The following STK4 variants were observed in gnomAD, a reference collection of about 807,000 sequenced individuals.
STK4 encodes the protein serine/threonine-protein kinase 4.
A neutral mutation model predicts 64.9 loss-of-function variants in STK4; 30 were observed. The ratio of observed to expected loss-of-function variants is 0.46; its 90% CI spans 0.35 to 0.63. The LOEUF is 0.63. Ranked by LOEUF, STK4 falls within the 20% of genes least tolerant of loss-of-function variation. STK4 has a pLI of 0.01. For synonymous variants in STK4, 177 were observed against 199.0 expected, an observed-to-expected ratio of 0.89 and a Z score of 0.93; for missense variants, 466 against 598.5, an observed-to-expected ratio of 0.78 and a Z score of 2.31.
chr20:44,987,117 T>G lies in STK4; in HGVS notation c.361-15T>G, dbSNP rs2067542640. 2 of 1,574,204 alleles carry G rather than the reference T, an allele frequency of 1.3e-6. No homozygotes were observed. Among genetic ancestry groups the G allele is most frequent in the African/African-American group, 1.4e-5 (1 of 72,778 alleles). On this transcript the variant is annotated splice_polypyrimidine_tract_variant and intron_variant, in intron 4 of 10. Coordinates refer to ENST00000372806, the MANE Select transcript of STK4 (RefSeq NM_006282.5). ...TGTAAACTGATAGAATTTGAACTTCTTATTCTTTTTTCAGTTAACAGAAGA... is the reference window on the plus strand; with the variant it reads ...TGTAAACTGATAGAATTTGAACTTCGTATTCTTTTTTCAGTTAACAGAAGA...
chr20:44,970,088 A>G (rs889764111), intron 1 of STK4, among the ~76,000 whole-genome samples: 8 of 152,156 alleles, frequency 5.3e-5, no homozygotes, highest in Non-Finnish European at 1.2e-4. Context: ...ACAAAAAAGC[A>G]CTTAGATTGT....
At chr20:45,029,161 G>A (rs1012954405) in intron 10 of STK4, among the ~76,000 whole-genome samples, 2 of 152,182 alleles carry the variant, frequency 1.3e-5, no homozygotes, top group African/African-American at 4.8e-5. Context: ...TTGAAAATGT[G>A]AAAGATCTGG....
chr20:45,041,881 A>G (rs1376444061), intron 10 of STK4, among the ~76,000 whole-genome samples: 1 of 152,188 alleles, frequency 6.6e-6, no homozygotes, highest in East Asian at 1.9e-4. Flanking sequence ...CCAGGTGTTA[A>G]CAACCTGGAG....
At chr20:45,073,297 A>ACT (rs1456900619) in intron 10 of STK4, among the ~76,000 whole-genome samples, 1 of 151,670 alleles carries the variant, frequency 6.6e-6, no homozygotes, top group Non-Finnish European at 1.5e-5. Context: ...ATTTACCCAC[A>ACT]CTCTCAAGTC....
intron 9 of STK4, among the ~76,000 whole-genome samples, chr20:45,018,028 C>T (rs1472565261): frequency 6.6e-6 from 1 of 152,140 alleles, no homozygotes; most frequent in Non-Finnish European, 1.5e-5. Context: ...TGGATAGTAA[C>T]CAGTGTAATT....
intron 1 of STK4, 133 bp from the exon 2 acceptor site, chr20:44,971,945 C>G: frequency 1.2e-6 from 1 of 812,666 alleles, no homozygotes; most frequent in Non-Finnish European, 1.9e-6. Context: ...AACCTTGTTT[C>G]TTAAAACAGT....
intron 6 of STK4, among the ~76,000 whole-genome samples, chr20:44,996,271 C>T (rs577250541): frequency 6.0e-4 from 91 of 152,182 alleles, no homozygotes; most frequent in African/African-American, 2.1e-3. Context: ...GTGCTCACAC[C>T]CTAAGCAGTT....
chr20:44,988,158 C>G lies in STK4; in HGVS notation c.525+862C>G, dbSNP rs185939098. 5.1e-4 allele frequency among the ~76,000 whole-genome samples: 78 copies of G among 152,048 alleles called. 1 individual carries two copies. Among genetic ancestry groups the G allele is most frequent in the African/African-American group, 1.8e-3 (75 of 41,478 alleles). On this transcript the variant is annotated intron_variant, in intron 5 of 10. Transcript: ENST00000372806. ...AGTAAACAGTACCAGACAATATTAC[C>G]TAAACCACAGTCTTAGTCAGGAAAC...
chr20:45,075,007 T>G lies in STK4; in HGVS notation c.1306-11T>G. The G allele has an allele frequency of 6.2e-7, 1 of 1,614,094 alleles. No individual in the cohort carries two copies. The highest frequency in any genetic ancestry group is 8.5e-7 in the Non-Finnish European group (1 of 1,179,980). ...GCTTTGTCGTGACTATACCTTCCAC[T>G]TCTCTTCTAGCTTAAGAGTTGGACA... On this transcript the variant is annotated splice_polypyrimidine_tract_variant and intron_variant, in intron 10 of 10. Coordinates refer to ENST00000372806, the MANE Select transcript of STK4 (RefSeq NM_006282.5).
intron 4 of STK4, among the ~76,000 whole-genome samples, chr20:44,985,281 A>G (rs1206023046): frequency 2.0e-5 from 3 of 152,220 alleles, no homozygotes; most frequent in Non-Finnish European, 4.4e-5. Flanking sequence ...TAGTTGTTAT[A>G]AGGATGAAAT....
chr20:44,972,380 T>C, intron 2 of STK4: 1 of 421,024 alleles, frequency 2.4e-6, no homozygotes, highest in Non-Finnish European at 4.2e-6. Context: ...TTCTCTTTTG[T>C]AGGATCTGTA....
chr20:45,028,800 T>C (rs2068396744), intron 10 of STK4, among the ~76,000 whole-genome samples: 1 of 152,252 alleles, frequency 6.6e-6, no homozygotes, highest in Non-Finnish European at 1.5e-5. Flanking sequence ...TTTATTTCTC[T>C]TTGCCACAGT....
chr20:44,975,765 A>G lies in STK4; in HGVS notation c.117-2678A>G, dbSNP rs1015399188. On this transcript the variant is annotated intron_variant, in intron 2 of 10. Coordinates refer to ENST00000372806, the MANE Select transcript of STK4 (RefSeq NM_006282.5). ...AGGAACTGAGCTTGGATTGTATTTA[A>G]GTATGGTATCTTGAAGGGCAAAAAC... 12 of 152,214 alleles carry G rather than the reference A, an allele frequency of 7.9e-5. 1 individual carries two copies. Among genetic ancestry groups the G allele is most frequent in the Admixed American group, 6.5e-4 (10 of 15,282 alleles). The allele number at this position is 152,214 out of a possible 1,614,324, so 9.4% of individuals were successfully genotyped here. A position where few individuals can be genotyped will look rare whatever the true frequency, so the allele number is the denominator to read the frequency against.
intron 10 of STK4, among the ~76,000 whole-genome samples, chr20:45,052,164 A>G (rs1246047779): frequency 1.3e-5 from 2 of 152,202 alleles, no homozygotes; most frequent in African/African-American, 4.8e-5. Context: ...TTGCTCTTCT[A>G]TAATGTTACA....
At chr20:45,008,918 T>A (rs1266630692) in intron 9 of STK4, among the ~76,000 whole-genome samples, 1 of 152,184 alleles carries the variant, frequency 6.6e-6, no homozygotes. Flanking sequence ...ATTTTTTTTT[T>A]ATAGATTCTG....
intron 9 of STK4, among the ~76,000 whole-genome samples, chr20:45,016,146 TTGTGTCTGTG>T (rs565240380): frequency 6.6e-6 from 1 of 152,174 alleles, no homozygotes; most frequent in Non-Finnish European, 1.5e-5. Flanking sequence ...TCTGTGTGGT[TTGTGTCTGTG>T]TGTGTCTGTG....
chr20:45,057,474 G>A (rs182467594), intron 10 of STK4, among the ~76,000 whole-genome samples: 671 of 152,230 alleles, frequency 4.4e-3, no homozygotes, highest in Middle Eastern at 0.017. Flanking sequence ...TAGAACTTAC[G>A]TAGTTTTAAG....
chr20:45,041,711 A>T (rs1369260731), intron 10 of STK4, among the ~76,000 whole-genome samples: 1 of 149,968 alleles, frequency 6.7e-6, no homozygotes, highest in African/African-American at 2.5e-5. Flanking sequence ...AACAGCAAGG[A>T]GTGGATTTAT....
Position 44,986,482 on chromosome 20 carries a change from C to T in STK4, c.361-650C>T, listed in dbSNP as rs867318571. On this transcript the variant is annotated intron_variant, in intron 4 of 10. Coordinates refer to ENST00000372806, the MANE Select transcript of STK4 (RefSeq NM_006282.5). ...TGAAGTTAAAGAGGTAGCTGAGAGC[C>T]AGATCATGTAAAGCCTTGGTAAGGA... Among the ~76,000 whole-genome samples, 5 of 152,166 alleles carry T rather than the reference C, an allele frequency of 3.3e-5. No homozygotes were observed. The East Asian group carries it at 7.7e-4, about 23-fold the overall frequency.
Sources: gnomAD v4.1 joint callset for allele counts (sites outside exome capture counted in the v4.1 genomes callset) on GRCh38, gnomAD v4.1.1 for gene constraint, MANE v1.5 for transcripts, NCBI Gene and HGNC (gene_info 2026-07-23, HGNC 2026-07-21) for gene names.